The following USP39 variants were observed in gnomAD, a reference collection of about 807,000 sequenced individuals.
USP39 encodes the protein ubiquitin specific peptidase 39, also known as ubiquitin carboxyl-terminal hydrolase 39.
In USP39, 38 loss-of-function variants were observed where a neutral mutation model predicts 66.4. The ratio of observed to expected loss-of-function variants is 0.57; its 90% CI spans 0.44 to 0.75. USP39 has a LOEUF of 0.75. USP39 is among the 30% of genes least tolerant of loss of function. USP39 has a pLI of 0.00. For missense variants in USP39, 608 were observed against 714.4 expected, an observed-to-expected ratio of 0.85 and a Z score of 1.70; for synonymous variants, 303 against 274.6, an observed-to-expected ratio of 1.10 and a Z score of -1.02.
chr2:85,613,952 TG>T (rs59505503), upstream of USP39, among the ~76,000 whole-genome samples: 1,037 of 150,664 alleles, frequency 6.9e-3, 16 homozygotes, highest in African/African-American at 0.024. Flanking sequence ...TTTGTGGAGA[TG>T]GGGGGGGTCT....
upstream of USP39, among the ~76,000 whole-genome samples, chr2:85,614,402 T>C (rs1395647531): frequency 1.3e-5 from 2 of 152,054 alleles, no homozygotes; most frequent in African/African-American, 4.8e-5. Context: ...TAATCCCAGC[T>C]ACTCAGGAGT....
In USP39 at chr2:85,645,084, G is replaced by A; in HGVS notation, c.1563+1G>A. On this transcript the variant is annotated splice_donor_variant, in intron 11 of 12. Coordinates refer to ENST00000323701, the MANE Select transcript of USP39 (RefSeq NM_006590.4). LOFTEE classifies it high-confidence loss of function. ...CTACCGGATCCACGTGCTTCATCAT[G>A]TGAGTGGCTGCTGACCGTCTCATGG... 6.2e-7 allele frequency: 1 copy of A among 1,614,112 alleles called. No individual in the cohort carries two copies.
chr2:85,609,617 A>AG (rs762843845), upstream of USP39: 241 of 1,612,656 alleles, frequency 1.5e-4, 2 homozygotes, highest in African/African-American at 2.1e-3. Context: ...AAGAAAGAAG[A>AG]GGGGGGGTGC....
At chr2:85,624,780 A>G (rs1674719000) in intron 4 of USP39, among the ~76,000 whole-genome samples, 2 of 152,174 alleles carry the variant, frequency 1.3e-5, no homozygotes, top group South Asian at 4.1e-4. Flanking sequence ...CCTGACCAAC[A>G]TGATGAGACC....
chr2:85,632,448 C>CT (rs59457171), intron 6 of USP39, among the ~76,000 whole-genome samples: 39,532 of 136,030 alleles, frequency 0.29, 5,957 homozygotes, highest in East Asian at 0.36. Context: ...TTTCAACTAT[C>CT]TTTTTTTTTT....
At chr2:85,619,172 T>G in intron 1 of USP39, 48 bp from the exon 2 acceptor site, 1 of 1,599,924 alleles carries the variant, frequency 6.3e-7, no homozygotes, top group East Asian at 2.2e-5. Flanking sequence ...TAGTTGGCCC[T>G]GAGTATAGGT....
At chr2:85,615,658 G>GT (rs1222690029), upstream of USP39, among the ~76,000 whole-genome samples, 1 of 152,010 alleles carries the variant, frequency 6.6e-6, no homozygotes. Flanking sequence ...TTGAGACGGA[G>GT]TTTCGCTCGT....
intron 1 of USP39, among the ~76,000 whole-genome samples, chr2:85,616,832 C>T (rs1308180070): frequency 6.6e-6 from 1 of 151,718 alleles, no homozygotes; most frequent in East Asian, 1.9e-4. Context: ...CGCCCACCAC[C>T]GCTCCCGCCA....
chr2:85,635,872 G>A (rs1675726940), intron 6 of USP39, among the ~76,000 whole-genome samples, 181 bp from the exon 7 acceptor site: 1 of 152,138 alleles, frequency 6.6e-6, no homozygotes, highest in Admixed American at 6.6e-5. Flanking sequence ...GGAGGAGTGA[G>A]AGCTTGACCT....
rs138584449 is a variant in USP39, at chr2:85,623,707, C to T, written c.495C>T (p.Leu165=). The change falls in exon 4 of 13, where the codon CTC becomes CTT. Residue 165 remains leucine, a synonymous_variant. Coordinates refer to ENST00000323701, the MANE Select transcript of USP39 (RefSeq NM_006590.4). ...HSVQFSHHVF[L]NLHTLKFYCL... is the part of the protein sequence containing the mutation. ...TCCAGTTTAGCCACCATGTTTTCCT[C>T]AACCTCCACACCCTCAAGTTTTACT... 3.9e-5 allele frequency: 63 copies of T among 1,614,066 alleles called. No homozygotes were observed. Among genetic ancestry groups the T allele is most frequent in the Middle Eastern group, 1.6e-4 (1 of 6,062 alleles).
upstream of USP39, among the ~76,000 whole-genome samples, chr2:85,613,653 C>T (rs564343819): frequency 6.6e-6 from 1 of 152,292 alleles, no homozygotes; most frequent in East Asian, 1.9e-4. Context: ...CTGTATGATT[C>T]CATTTATATG....
intron 8 of USP39, among the ~76,000 whole-genome samples, chr2:85,638,603 A>G (rs1175827427): frequency 6.6e-6 from 1 of 152,180 alleles, no homozygotes; most frequent in East Asian, 1.9e-4. Context: ...CAATGGCACT[A>G]TCTCGGCTCA....
At chr2:85,639,623 T>A (rs1431522227) in intron 9 of USP39, 9 of 369,074 alleles carry the variant, frequency 2.4e-5, no homozygotes, top group South Asian at 8.3e-5. Context: ...ACTGGCTAAT[T>A]TTTTATATTT....
chr2:85,645,027 A>C lies in USP39; in HGVS notation c.1507A>C (p.Ile503Leu). The C allele has an allele frequency of 6.2e-7, 1 of 1,614,166 alleles. No homozygotes were observed. Among genetic ancestry groups the C allele is most frequent in the Non-Finnish European group, 8.5e-7 (1 of 1,180,028 alleles). Residue 503 changes from isoleucine (I) to leucine (L), a missense_variant, in exon 11 of 13, where the codon ATC becomes CTC. Around this residue, in one of 6 missense-constraint regions of USP39, gnomAD observed 164 missense variants for 250.3 expected, o/e 0.66. Transcript: ENST00000323701. ...KNTTYDLIAN[I>L]VHDGKPSEGS... The stretch of plus-strand genomic sequence containing the variant: ...TACCACCTATGACCTCATTGCCAAC[A>C]TCGTGCATGACGGCAAGCCCTCCGA...
At chr2:85,645,293 T>G in intron 11 of USP39, 1 of 528,540 alleles carries the variant, frequency 1.9e-6, no homozygotes, top group Non-Finnish European at 3.2e-6. Flanking sequence ...TTTTTTTTTT[T>G]TGAGACAGGG....
intron 5 of USP39, 116 bp from the exon 6 acceptor site, chr2:85,630,605 C>T: frequency 1.0e-6 from 1 of 986,300 alleles, no homozygotes; most frequent in East Asian, 2.5e-5. Context: ...ACTTTTGGCT[C>T]TTTAAGGCCA....
chr2:85,645,143 T>C (rs1363368604), intron 11 of USP39, 60 bp downstream of exon 11: 2 of 1,608,394 alleles, frequency 1.2e-6, no homozygotes, highest in South Asian at 2.2e-5. Flanking sequence ...TTCTTTGGCA[T>C]CTCAGAGGGC....
chr2:85,649,092 A>C lies in USP39; in HGVS notation c.*284A>C. 1 of 374,092 alleles carries C rather than the reference A, an allele frequency of 2.7e-6. No homozygotes were observed. The highest frequency in any genetic ancestry group is 3.6e-5 in the South Asian group (1 of 27,880). The allele number at this position is 374,092 out of a possible 1,614,324, so 23.2% of individuals were successfully genotyped here. ...GCAGAACCCTTCTCCAGATGTGTGT[A>C]ACTTATGTCTTGAGTATCTGGGAGT... On this transcript the variant is annotated 3_prime_UTR_variant, in exon 13 of 13. Transcript: ENST00000323701.
upstream of USP39, among the ~76,000 whole-genome samples, chr2:85,613,714 T>C (rs1374857274): frequency 6.6e-6 from 1 of 152,124 alleles, no homozygotes; most frequent in East Asian, 1.9e-4. Flanking sequence ...ATCAGTTGAT[T>C]TTTGTGGGGG....
Sources: gnomAD v4.1 joint callset for allele counts (sites outside exome capture counted in the v4.1 genomes callset) on GRCh38, gnomAD v4.1.1 for gene constraint, gnomAD v4.1.1 regional missense constraint, MANE v1.5 for transcripts, NCBI Gene and HGNC (gene_info 2026-07-23, HGNC 2026-07-21) for gene names.